SIK2: variants seen among roughly 807,000 people sequenced by gnomAD.
The protein encoded by SIK2 is salt inducible kinase 2, also known as serine/threonine-protein kinase SIK2.
SIK2 carries 29 observed loss-of-function variants against 103.2 expected under a neutral mutation model. That is an observed-to-expected ratio of 0.28 (90% confidence interval 0.21 to 0.38). The LOEUF (loss-of-function observed/expected upper bound fraction) is 0.38, where lower values mean the gene tolerates loss of function less well. Ranked by LOEUF, SIK2 falls within the 10% of genes least tolerant of loss-of-function variation. The probability of loss-of-function intolerance (pLI) is 1.00; values close to 1 mark genes in which losing one functional copy is unlikely to be tolerated. For synonymous variants in SIK2, 412 were observed against 446.1 expected (o/e 0.92, Z 0.96); for missense variants, 879 against 1,171.0 (o/e 0.75, Z 3.64).
At chr11:111,723,475 C>A in intron 14 of SIK2, 21 bp from the exon 15 acceptor site, 2 of 1,566,624 alleles carry the variant, frequency 1.3e-6, no homozygotes, top group Non-Finnish European at 1.7e-6. Flanking sequence ...AAAATTCTTT[C>A]CTTTGATATT....
Position 111,701,029 on chromosome 11 carries a change from G to A in SIK2, c.603+19G>A. The A allele has an allele frequency of 6.2e-7, 1 of 1,611,938 alleles. No homozygotes were observed. Among genetic ancestry groups the A allele is most frequent in the South Asian group, 1.1e-5 (1 of 90,974 alleles). On this transcript the variant is annotated intron_variant, in intron 5 of 14. Transcript: ENST00000304987. This position sits in a 1 kb window ranked among gnomAD's most constrained non-coding sequence, Gnocchi z 4.2. ...CATCTGGGTACTGCTTTGCTTTGCT[G>A]TGTTGTTAAATGCATCTATACTGAT...
rs571134373 is a variant in SIK2 at position 111,690,015 on chromosome 11, G to T, written c.478+1853G>T. On this transcript the variant is annotated intron_variant, in intron 4 of 14. Transcript: ENST00000304987. ...ATATATATATATCACACATATACAC[G>T]TATATATAAAGATTTATATCAATTT... is the stretch of plus-strand genomic sequence containing the variant. Among the ~76,000 whole-genome samples the T allele has an allele frequency of 3.3e-5, 5 of 151,366 alleles. 1 individual carries two copies. Among genetic ancestry groups the T allele is most frequent in the African/African-American group, 1.2e-4 (5 of 41,206 alleles).
intron 3 of SIK2, among the ~76,000 whole-genome samples, chr11:111,664,848 T>G (rs530610799): frequency 6.2e-4 from 95 of 152,136 alleles, no homozygotes; most frequent in Non-Finnish European, 1.1e-3. Flanking sequence ...GTACTGCTGA[T>G]CGTATCACCC....
At chr11:111,624,382 A>G (rs1385502186) in intron 3 of SIK2, among the ~76,000 whole-genome samples, 5 of 152,336 alleles carry the variant, frequency 3.3e-5, no homozygotes, top group South Asian at 4.1e-4. Context: ...GACTGATGCT[A>G]TAATAGGCTG....
At chr11:111,612,938 ATATATATATT>A (rs1941748546) in intron 1 of SIK2, among the ~76,000 whole-genome samples, 1 of 146,532 alleles carries the variant, frequency 6.8e-6, no homozygotes, top group African/African-American at 2.6e-5. Flanking sequence ...ATATATATAT[ATATATATATT>A]TATGATCATA....
rs1301786413 is a variant in SIK2 at position 111,701,197 on chromosome 11, T to C, written c.603+187T>C. Among the ~76,000 whole-genome samples, 3 of 152,252 alleles carry C rather than the reference T, an allele frequency of 2.0e-5. No individual in the cohort carries two copies. In the South Asian group the frequency reaches 6.2e-4, roughly 32 times the overall value. On this transcript the variant is annotated intron_variant, in intron 5 of 14. Coordinates refer to ENST00000304987, the MANE Select transcript of SIK2 (RefSeq NM_015191.3). The surrounding 1 kb of genome is among the most constrained non-coding windows in gnomAD (Gnocchi z 4.2). ...AGGAAAGAATTTCTAAGGATAGGTG[T>C]TGTCATCCTAATATCAGCAGTAATT...
intron 1 of SIK2, among the ~76,000 whole-genome samples, chr11:111,614,968 A>G (rs182989408): frequency 6.7e-4 from 102 of 152,122 alleles, no homozygotes; most frequent in African/African-American, 2.4e-3. Flanking sequence ...GTGAAACCCC[A>G]TCTCTACCAA....
Position 111,720,018 on chromosome 11 carries a change from C to A in SIK2, c.1495+15C>A. 1 of 1,605,716 alleles carries A rather than the reference C, an allele frequency of 6.2e-7. No individual in the cohort carries two copies. Among genetic ancestry groups the A allele is most frequent in the Non-Finnish European group, 8.5e-7 (1 of 1,175,724 alleles). On this transcript the variant is annotated intron_variant, in intron 10 of 14. Coordinates refer to ENST00000304987, the MANE Select transcript of SIK2 (RefSeq NM_015191.3). ...GCCTGGGGCAGGTACGGTAGAGGAG[C>A]GACACTAGCTTGAGTCTTCATGGCA...
At chr11:111,606,329 A>G (rs186025630) in intron 1 of SIK2, among the ~76,000 whole-genome samples, 2 of 152,202 alleles carry the variant, frequency 1.3e-5, no homozygotes, top group Non-Finnish European at 1.5e-5. Flanking sequence ...AAATAAGAGT[A>G]TAGTGAACAA....
chr11:111,701,308 A>G lies in SIK2; in HGVS notation c.604-144A>G, dbSNP rs1370307799. On this transcript the variant is annotated intron_variant, in intron 5 of 14. Coordinates refer to ENST00000304987, the MANE Select transcript of SIK2 (RefSeq NM_015191.3). This position sits in a 1 kb window ranked among gnomAD's most constrained non-coding sequence, Gnocchi z 4.2. ...CTTATTGTAGTAGTCAGGGTTTTGG[A>G]TTTTTTTCAAATTCTGAGAAAATAA... 1 of 1,181,022 alleles carries G rather than the reference A, an allele frequency of 8.5e-7. No individual in the cohort carries two copies. Among genetic ancestry groups the G allele is most frequent in the Non-Finnish European group, 1.2e-6 (1 of 864,520 alleles). The allele number at this position is 1,181,022 out of a possible 1,614,324, so 73.2% of individuals were successfully genotyped here. A position where few individuals can be genotyped will look rare whatever the true frequency, so the allele number is the denominator to read the frequency against.
At chr11:111,676,611 A>G (rs2135884678) in intron 3 of SIK2, among the ~76,000 whole-genome samples, 1 of 152,296 alleles carries the variant, frequency 6.6e-6, no homozygotes, top group East Asian at 1.9e-4. Flanking sequence ...AAAGAGATAT[A>G]TTTGCCCTTT....
At chr11:111,649,274 C>A (rs188910093) in intron 3 of SIK2, among the ~76,000 whole-genome samples, 1 of 152,244 alleles carries the variant, frequency 6.6e-6, no homozygotes, top group East Asian at 1.9e-4. Flanking sequence ...TAATCAAACA[C>A]TGTACACTTT....
In SIK2 at chr11:111,727,138, T is replaced by G. The variant is rs1943997651; in HGVS notation, c.*3009T>G. 7 of 1,248,410 alleles carry G rather than the reference T, an allele frequency of 5.6e-6. No individual in the cohort carries two copies. The highest frequency in any genetic ancestry group is 3.7e-5 in the South Asian group (3 of 81,228). The allele number at this position is 1,248,410 out of a possible 1,614,324, so 77.3% of individuals were successfully genotyped here. A position where few individuals can be genotyped will look rare whatever the true frequency, so the allele number is the denominator to read the frequency against. On this transcript the variant is annotated 3_prime_UTR_variant, in exon 15 of 15. Coordinates refer to ENST00000304987, the MANE Select transcript of SIK2 (RefSeq NM_015191.3). ...CCCGGTGACACTGACCGTCCCCAGC[T>G]GCCCCCTCGCCACCTCTGCCTGCAC...
chr11:111,724,192 A>C lies in SIK2; in HGVS notation c.*63A>C. ...GAGTGTATGTTCCTATTTTTATTCC[A>C]GCCTTTTAAATTTAAAGCTTATTTT... On this transcript the variant is annotated 3_prime_UTR_variant, in exon 15 of 15. Coordinates refer to ENST00000304987, the MANE Select transcript of SIK2 (RefSeq NM_015191.3). The C allele has an allele frequency of 3.9e-6, 6 of 1,531,472 alleles. No homozygotes were observed. Among genetic ancestry groups the C allele is most frequent in the Non-Finnish European group, 5.2e-6 (6 of 1,145,704 alleles). The allele number at this position is 1,531,472 out of a possible 1,614,324, so 94.9% of individuals were successfully genotyped here. A position where few individuals can be genotyped will look rare whatever the true frequency, so the allele number is the denominator to read the frequency against.
At chr11:111,604,492 A>G (rs1275924205) in intron 1 of SIK2, among the ~76,000 whole-genome samples, 1 of 152,246 alleles carries the variant, frequency 6.6e-6, no homozygotes, top group Non-Finnish European at 1.5e-5. Flanking sequence ...TTTAGTTAAT[A>G]CAGTAAGAGC....
chr11:111,699,913 G>A lies in SIK2; in HGVS notation c.479-973G>A, dbSNP rs970996836. Among the ~76,000 whole-genome samples the A allele has an allele frequency of 7.9e-5, 12 of 152,214 alleles. 1 individual carries two copies. The highest frequency in any genetic ancestry group is 7.9e-4 in the Admixed American group (12 of 15,284). On this transcript the variant is annotated intron_variant, in intron 4 of 14. Coordinates refer to ENST00000304987, the MANE Select transcript of SIK2 (RefSeq NM_015191.3). Reference sequence around the variant, plus strand: ...AGTCTTTCTTGAGCCATCTCTTAAAGCTCACTGTGCATGCAATGCTGTGCT... The same window carrying A: ...AGTCTTTCTTGAGCCATCTCTTAAAACTCACTGTGCATGCAATGCTGTGCT...
chr11:111,720,151 A>G, intron 10 of SIK2, 148 bp downstream of exon 10: 1 of 823,758 alleles, frequency 1.2e-6, no homozygotes, highest in Admixed American at 2.2e-5. Flanking sequence ...TATAGCAGAC[A>G]CAGCCTGGCA....
At chr11:111,630,989 GAA>G (rs1942029963) in intron 3 of SIK2, among the ~76,000 whole-genome samples, 1 of 152,118 alleles carries the variant, frequency 6.6e-6, no homozygotes, top group Admixed American at 6.6e-5. Context: ...GAAAAGAAAA[GAA>G]TGTAGGCAGG....
Position 111,723,758 on chromosome 11 carries a change from T to C in SIK2, c.2410T>C (p.Ser804Pro), listed in dbSNP as rs753282745. 9.3e-6 allele frequency: 15 copies of C among 1,613,844 alleles called. No homozygotes were observed. The highest frequency in any genetic ancestry group is 1.3e-5 in the Non-Finnish European group (15 of 1,180,028). ...AGAGATGCAGCTTCAGCCCCTGCCC[T>C]CCACTTCCGGTCCCCGGGCTGCTCC... Reference protein sequence around the residue: ...YQEMQLQPLPSTSGPRAAPPL... With the variant: ...YQEMQLQPLPPTSGPRAAPPL... The change falls in exon 15 of 15, where the codon TCC (serine) becomes CCC (proline). Residue 804 changes from serine to proline, a missense_variant. This residue lies in a region of SIK2 where 375 missense variants were observed against 416.3 expected (regional missense o/e 0.90). Transcript: ENST00000304987.
Sources: allele counts gnomAD v4.1 joint callset (sites outside exome capture counted in the v4.1 genomes callset), GRCh38; gene constraint gnomAD v4.1.1; regional missense constraint gnomAD v4.1.1; non-coding constraint Gnocchi (gnomAD v3.1); transcripts MANE v1.5; gene names NCBI Gene and HGNC (gene_info 2026-07-23, HGNC 2026-07-21).